Variants in NTRK1 observed in about 807,000 individuals in gnomAD.
The protein encoded by NTRK1 is high affinity nerve growth factor receptor.
A neutral mutation model predicts 86.8 loss-of-function variants in NTRK1; 62 were observed. That is an observed-to-expected ratio of 0.71 (90% CI 0.58 to 0.88). The LOEUF (loss-of-function observed/expected upper bound fraction) is 0.88. Among genes scored for constraint, NTRK1 ranks in the 40% least tolerant of loss-of-function variants. NTRK1 has a pLI of 0.00. For synonymous variants in NTRK1, 469 were observed against 456.6 expected (o/e 1.03, Z -0.35); for missense variants, 967 against 1,078.4 (o/e 0.90, Z 1.45).
intron 14 of NTRK1, 33 bp from the exon 15 acceptor site, chr1:156,879,089 C>T (rs770288892): frequency 7.4e-6 from 12 of 1,611,796 alleles, no homozygotes; most frequent in Non-Finnish European, 1.0e-5. Flanking sequence ...TTCTATCCTC[C>T]CAGCCTATCC....
At chr1:156,868,012 C>T (rs1316294253) in intron 4 of NTRK1, 92 bp from the exon 5 acceptor site, 66 of 1,402,106 alleles carry the variant, frequency 4.7e-5, no homozygotes, top group African/African-American at 1.8e-4. Context: ...CACCTGTAGA[C>T]GGTCCTCCCT....
Position 156,880,027 on chromosome 1 carries a change from G to A in NTRK1, c.2075G>A (p.Arg692His), listed in dbSNP as rs765477124. 9 of 1,613,352 alleles carry A rather than the reference G, an allele frequency of 5.6e-6. No homozygotes were observed. The highest frequency in any genetic ancestry group is 1.3e-5 in the African/African-American group (1 of 74,944). The change falls in exon 16 of 17, where the codon CGC becomes CAC. Residue 692 changes from arginine to histidine, a missense_variant. By Grantham distance (29) the Arg-to-His change is conservative (BLOSUM62 0). Around this residue, in one of 2 missense-constraint regions of NTRK1, gnomAD observed 637 missense variants for 776.5 expected, o/e 0.82. Coordinates refer to ENST00000524377, the MANE Select transcript of NTRK1 (RefSeq NM_002529.4). ...GGAGGCCGCACCATGCTGCCCATTC[G>A]CTGGATGCCGCCCGAGAGCATCCTG... Reference protein sequence around the residue: ...RVGGRTMLPIRWMPPESILYR... With the variant: ...RVGGRTMLPIHWMPPESILYR...
chr1:156,836,077 T>G (rs11264568), intron 1 of NTRK1, among the ~76,000 whole-genome samples: 95,756 of 151,984 alleles, frequency 0.63, 30,776 homozygotes, highest in East Asian at 0.8. Flanking sequence ...GTCCTCCCCT[T>G]TCTCCTCCTG....
At chr1:156,846,481 A>G (rs1238049521) in intron 2 of NTRK1, 1 of 1,508,468 alleles carries the variant, frequency 6.6e-7, no homozygotes, top group Non-Finnish European at 9.2e-7. Flanking sequence ...TCATGGATGC[A>G]GGCGTCTGAC....
At chr1:156,828,781 C>T (rs1164383875) in intron 1 of NTRK1, among the ~76,000 whole-genome samples, 1 of 152,232 alleles carries the variant, frequency 6.6e-6, no homozygotes, top group East Asian at 1.9e-4. Flanking sequence ...CGGAAGCCCT[C>T]TGAGCCTCAT....
At chr1:156,872,381 A>C (rs954976947) in intron 7 of NTRK1, among the ~76,000 whole-genome samples, 1 of 151,950 alleles carries the variant, frequency 6.6e-6, no homozygotes, top group African/African-American at 2.4e-5. Context: ...TTTAAAAATA[A>C]TTTTTCTCAA....
intron 4 of NTRK1, among the ~76,000 whole-genome samples, chr1:156,867,339 G>A (rs79603390): frequency 0.042 from 6,372 of 152,292 alleles, 202 homozygotes; most frequent in Non-Finnish European, 0.062. Context: ...AAGCCTCTGG[G>A]TCACTCTGGG....
chr1:156,818,266 G>A (rs986902542), intron 1 of NTRK1, among the ~76,000 whole-genome samples: 7 of 152,194 alleles, frequency 4.6e-5, no homozygotes, highest in African/African-American at 1.7e-4. Context: ...GTCAGATGGG[G>A]GAGATGGACT....
intron 11 of NTRK1, 71 bp downstream of exon 11, chr1:156,875,079 A>G: frequency 8.7e-7 from 1 of 1,143,378 alleles, no homozygotes; most frequent in Non-Finnish European, 1.3e-6. Context: ...GCTCTTCCTG[A>G]CTCTGTCTCT....
At position 156,866,257 on chromosome 1, in the gene NTRK1, C is replaced by T. The variant is rs142391791; in HGVS notation, c.360-653C>T. ...CCTCAGAGGCAGAGGGTCCCAGCAG[C>T]GGCAGCCTGGCACAGGGCACAGGGC... On this transcript the variant is annotated intron_variant, in intron 3 of 16. Coordinates refer to ENST00000524377, the MANE Select transcript of NTRK1 (RefSeq NM_002529.4). 2.0e-3 allele frequency among the ~76,000 whole-genome samples: 301 copies of T among 152,346 alleles called. 1 individual carries two copies. The highest frequency in any genetic ancestry group is 3.3e-3 in the Non-Finnish European group (223 of 68,030).
In NTRK1 at chr1:156,852,291, A is replaced by T. The variant is rs1441538582; in HGVS notation, c.50+10098A>T. 4 of 1,171,796 alleles carry T rather than the reference A, an allele frequency of 3.4e-6. No individual in the cohort carries two copies. In the East Asian group the frequency reaches 1.0e-4, roughly 29 times the overall value. The allele number at this position is 1,171,796 out of a possible 1,614,324, so 72.6% of individuals were successfully genotyped here. ...CCTGTTTCTCTTGGGATGACACTCAATCTGCACCCAGGTCCCTCCCATTCA... is the reference window on the plus strand; with the variant it reads ...CCTGTTTCTCTTGGGATGACACTCATTCTGCACCCAGGTCCCTCCCATTCA... On this transcript the variant is annotated intron_variant, in intron 2 of 16. Coordinates refer to the NTRK1 transcript ENST00000392302.
At chr1:156,827,529 T>C (rs1654351962) in intron 1 of NTRK1, among the ~76,000 whole-genome samples, 1 of 152,184 alleles carries the variant, frequency 6.6e-6, no homozygotes, top group South Asian at 2.1e-4. Context: ...CCCCAAATGC[T>C]GAGATTACAC....
At chr1:156,879,050 G>T in intron 14 of NTRK1, 72 bp from the exon 15 acceptor site, 1 of 1,580,690 alleles carries the variant, frequency 6.3e-7, no homozygotes, top group Non-Finnish European at 8.6e-7. Context: ...CGCGGCTGCT[G>T]GGGATCGCCT....
chr1:156,880,239 C>T, intron 16 of NTRK1, 82 bp downstream of exon 16: 1 of 1,483,708 alleles, frequency 6.7e-7, no homozygotes, highest in Non-Finnish European at 9.3e-7. Flanking sequence ...AACTCGGTTC[C>T]CCTTCTGCCC....
At chr1:156,872,003 C>T (rs1362843890) in intron 7 of NTRK1, among the ~76,000 whole-genome samples, 1 of 152,174 alleles carries the variant, frequency 6.6e-6, no homozygotes, top group Non-Finnish European at 1.5e-5. Flanking sequence ...CTGAGGCCCT[C>T]AACGCCAGAT....
At chr1:156,879,477 C>G (rs890277168) in intron 15 of NTRK1, 115 bp downstream of exon 15, 8 of 1,378,666 alleles carry the variant, frequency 5.8e-6, no homozygotes, top group Non-Finnish European at 7.8e-6. Flanking sequence ...CTGAGATTCA[C>G]TGGCTCTGGT....
rs779432741 is a variant in NTRK1, at chr1:156,854,121, C to T, written c.51-10233C>T. 29 of 1,614,040 alleles carry T rather than the reference C, an allele frequency of 1.8e-5. No homozygotes were observed. Among genetic ancestry groups the T allele is most frequent in the Admixed American group, 5.0e-5 (3 of 60,014 alleles). ...AAGAGGTCGCGCAGGCTCTCCAGTC[C>T]GTAGACACGGAAGAGCAGCAGGTAG... On this transcript the variant is annotated intron_variant, in intron 2 of 16. Coordinates refer to the NTRK1 transcript ENST00000392302. This position sits in a 1 kb window ranked among gnomAD's most constrained non-coding sequence, Gnocchi z 4.2.
At chr1:156,833,568 C>CA (rs869026276) in intron 1 of NTRK1, among the ~76,000 whole-genome samples, 13 of 140,950 alleles carry the variant, frequency 9.2e-5, no homozygotes, top group East Asian at 4.4e-4. Flanking sequence ...AAAAAATAAA[C>CA]AAAAAAAAGG....
intron 2 of NTRK1, among the ~76,000 whole-genome samples, chr1:156,853,244 T>C (rs531759466): frequency 2.4e-4 from 37 of 152,288 alleles, no homozygotes; most frequent in African/African-American, 8.2e-4. Flanking sequence ...CACTGTGCTG[T>C]GGCCACTCTG....
Sources: allele counts gnomAD v4.1 joint callset (sites outside exome capture counted in the v4.1 genomes callset), GRCh38; gene constraint gnomAD v4.1.1; regional missense constraint gnomAD v4.1.1; non-coding constraint Gnocchi (gnomAD v3.1); transcripts MANE v1.5; gene names NCBI Gene and HGNC (gene_info 2026-07-23, HGNC 2026-07-21).